The following CDKAL1 variants were observed in gnomAD, a reference collection of about 807,000 sequenced individuals.
CDKAL1 encodes the protein CDKAL1 threonylcarbamoyladenosine tRNA methylthiotransferase, also known as threonylcarbamoyladenosine tRNA methylthiotransferase.
CDKAL1 carries 32 observed loss-of-function variants against 68.2 expected under a neutral mutation model. The ratio of observed to expected loss-of-function variants is 0.47; its 90% CI spans 0.35 to 0.63. The LOEUF (loss-of-function observed/expected upper bound fraction) is 0.63. Among genes scored for constraint, CDKAL1 ranks in the 30% least tolerant of loss-of-function variants. The pLI is 0.00. For missense variants in CDKAL1, 606 were observed against 696.7 expected (o/e 0.87, Z 1.47); for synonymous variants, 234 against 244.3 (o/e 0.96, Z 0.39).
At chr6:20,609,273 T>TTTC (rs1766482258) in intron 4 of CDKAL1, among the ~76,000 whole-genome samples, 1 of 136,648 alleles carries the variant, frequency 7.3e-6, no homozygotes, top group South Asian at 2.5e-4. Flanking sequence ...TCCTCCTCCT[T>TTTC]CTCCTCCTTC....
intron 5 of CDKAL1, among the ~76,000 whole-genome samples, chr6:20,695,187 G>A (rs1387653004): frequency 1.3e-5 from 2 of 151,934 alleles, no homozygotes; most frequent in Non-Finnish European, 2.9e-5. Context: ...TGTTTTTCTG[G>A]GAAAAACAAG....
intron 4 of CDKAL1, among the ~76,000 whole-genome samples, chr6:20,643,430 TGGGATGTATCTTA>T (rs1768283310): frequency 6.6e-6 from 1 of 152,198 alleles, no homozygotes; most frequent in African/African-American, 2.4e-5. Flanking sequence ...TGTATGAAAT[TGGGATGTATCTTA>T]AAATTGATAA....
At chr6:21,204,210 T>C (rs1778807268) in intron 15 of CDKAL1, among the ~76,000 whole-genome samples, 2 of 152,150 alleles carry the variant, frequency 1.3e-5, no homozygotes, top group African/African-American at 4.8e-5. Context: ...TGGAAATCTA[T>C]TTATGGAAAT....
chr6:20,866,894 G>A (rs1343704110), intron 9 of CDKAL1, among the ~76,000 whole-genome samples: 3 of 152,172 alleles, frequency 2.0e-5, no homozygotes, highest in Non-Finnish European at 4.4e-5. Context: ...GCTTGGACAT[G>A]TTTCTACAAA....
intron 11 of CDKAL1, among the ~76,000 whole-genome samples, chr6:21,013,767 G>A (rs939562299): frequency 1.3e-5 from 2 of 152,168 alleles, no homozygotes; most frequent in Admixed American, 6.5e-5. Context: ...TGACAAACGA[G>A]TATCACACTT....
chr6:20,773,929 T>C (rs1203959449), intron 7 of CDKAL1, among the ~76,000 whole-genome samples: 2 of 152,124 alleles, frequency 1.3e-5, no homozygotes, highest in African/African-American at 4.8e-5. Flanking sequence ...CATCATCGTG[T>C]TGGATTGCTT....
chr6:20,755,372 AT>A (rs1774122892), intron 6 of CDKAL1, among the ~76,000 whole-genome samples: 1 of 152,152 alleles, frequency 6.6e-6, no homozygotes, highest in Non-Finnish European at 1.5e-5. Context: ...TTCTTCAGAA[AT>A]ACTAAATGCC....
At chr6:21,001,447 T>G (rs1031793562) in intron 11 of CDKAL1, among the ~76,000 whole-genome samples, 3 of 152,196 alleles carry the variant, frequency 2.0e-5, no homozygotes, top group African/African-American at 7.2e-5. Context: ...TTCTAAGTTT[T>G]TTTTTAACCT....
At chr6:20,829,815 A>G (rs1221678475) in intron 8 of CDKAL1, among the ~76,000 whole-genome samples, 1 of 152,220 alleles carries the variant, frequency 6.6e-6, no homozygotes, top group Non-Finnish European at 1.5e-5. Context: ...CTCAACATGA[A>G]TATGATACTG....
At chr6:20,745,919 G>A (rs978336749) in intron 6 of CDKAL1, among the ~76,000 whole-genome samples, 3 of 152,162 alleles carry the variant, frequency 2.0e-5, no homozygotes, top group African/African-American at 7.2e-5. Context: ...ATTACTCTGT[G>A]TTTAACTTTG....
At chr6:20,878,924 C>A (rs894129524) in intron 9 of CDKAL1, among the ~76,000 whole-genome samples, 2 of 149,860 alleles carry the variant, frequency 1.3e-5, no homozygotes, top group African/African-American at 4.9e-5. Flanking sequence ...ACTAAAAATA[C>A]AAAAATTAGT....
chr6:21,089,940 A>G (rs1772910165), intron 12 of CDKAL1, among the ~76,000 whole-genome samples: 1 of 152,240 alleles, frequency 6.6e-6, no homozygotes, highest in Admixed American at 6.5e-5. Context: ...GAAGTTACGT[A>G]TGAGCTGAGA....
At chr6:20,958,159 G>C (rs922733187) in intron 10 of CDKAL1, among the ~76,000 whole-genome samples, 12 of 152,140 alleles carry the variant, frequency 7.9e-5, no homozygotes, top group African/African-American at 2.9e-4. Context: ...TTTATGTGCA[G>C]GAGGTAATCC....
At chr6:21,083,199 G>A (rs1772506556) in intron 12 of CDKAL1, among the ~76,000 whole-genome samples, 1 of 152,040 alleles carries the variant, frequency 6.6e-6, no homozygotes, top group South Asian at 2.1e-4. Flanking sequence ...TATACACATA[G>A]CCTAGCATTA....
intron 8 of CDKAL1, among the ~76,000 whole-genome samples, chr6:20,804,890 T>A (rs1776503657): frequency 6.6e-6 from 1 of 152,190 alleles, no homozygotes; most frequent in Admixed American, 6.5e-5. Flanking sequence ...TTTTGATAGT[T>A]GTGACTAGTC....
intron 15 of CDKAL1, among the ~76,000 whole-genome samples, chr6:21,201,897 T>C (rs145369988): frequency 3.6e-4 from 55 of 152,150 alleles, no homozygotes; most frequent in African/African-American, 1.3e-3. Context: ...GAAATGAAAA[T>C]GTGTATCACA....
chr6:21,216,967 G>A (rs1180365764), intron 15 of CDKAL1, among the ~76,000 whole-genome samples: 1 of 152,128 alleles, frequency 6.6e-6, no homozygotes, highest in African/African-American at 2.4e-5. Flanking sequence ...TCCCACAGTG[G>A]CTATGTTAAT....
chr6:20,962,204 A>G (rs1415825605), intron 10 of CDKAL1, among the ~76,000 whole-genome samples: 1 of 152,246 alleles, frequency 6.6e-6, no homozygotes, highest in East Asian at 1.9e-4. Flanking sequence ...CATTGATATT[A>G]TGCTACATTT....
chr6:20,836,415 G>T (rs1447256621), intron 8 of CDKAL1, among the ~76,000 whole-genome samples: 1 of 152,170 alleles, frequency 6.6e-6, no homozygotes, highest in Non-Finnish European at 1.5e-5. Flanking sequence ...TGGCATTACA[G>T]TTGAAAAGAA....
Sources: gnomAD v4.1 joint callset for allele counts (sites outside exome capture counted in the v4.1 genomes callset) on GRCh38, gnomAD v4.1.1 for gene constraint, MANE v1.5 for transcripts, NCBI Gene and HGNC (gene_info 2026-07-23, HGNC 2026-07-21) for gene names.